ADGRB3: variants seen among roughly 807,000 people sequenced by gnomAD.
The protein encoded by ADGRB3 is adhesion G protein-coupled receptor B3, also known as brain-specific angiogenesis inhibitor 3.
In ADGRB3, 37 loss-of-function variants were observed where a neutral mutation model predicts 193.4. The ratio of observed to expected loss-of-function variants is 0.19; its 90% CI spans 0.15 to 0.25. The LOEUF is 0.25. Among genes scored for constraint, ADGRB3 ranks in the 10% least tolerant of loss-of-function variants. The pLI, the probability that ADGRB3 is intolerant of heterozygous loss-of-function variation, is 1.00. For synonymous variants in ADGRB3, 690 were observed against 644.2 expected (o/e 1.07, Z -1.08); for missense variants, 1,637 against 1,852.9 (o/e 0.88, Z 2.14).
At chr6:69,140,641 A>G (rs1403478423) in intron 17 of ADGRB3, among the ~76,000 whole-genome samples, 1 of 152,228 alleles carries the variant, frequency 6.6e-6, no homozygotes, top group East Asian at 1.9e-4. Flanking sequence ...TTAAAAAATA[A>G]CTAAAAATAT....
chr6:69,139,912 A>C lies in ADGRB3; in HGVS notation c.2480+63874A>C, dbSNP rs1445388068. ...ATTTAGAAGTCACCTTATCTAAAGC[A>C]ATTATTTTAATAAGACCTATAGAAA... On this transcript the variant is annotated intron_variant, in intron 17 of 31. Transcript: ENST00000370598. 2.2e-4 allele frequency among the ~76,000 whole-genome samples: 34 copies of C among 152,332 alleles called. 1 individual carries two copies. Among genetic ancestry groups the C allele is most frequent in the Admixed American group, 2.2e-3 (34 of 15,304 alleles).
At chr6:69,345,781 AG>A (rs1292705547) in intron 26 of ADGRB3, among the ~76,000 whole-genome samples, 5 of 152,188 alleles carry the variant, frequency 3.3e-5, no homozygotes, top group Non-Finnish European at 7.3e-5. Context: ...AAAGAAATAA[AG>A]GGTATTCAAA....
intron 13 of ADGRB3, among the ~76,000 whole-genome samples, chr6:69,039,381 T>G (rs188785152): frequency 2.1e-4 from 32 of 152,102 alleles, no homozygotes; most frequent in African/African-American, 7.5e-4. Context: ...GTTTTGGAGA[T>G]CCACTGAAGA....
chr6:69,038,268 T>C (rs1414824247), intron 13 of ADGRB3, among the ~76,000 whole-genome samples: 1 of 152,146 alleles, frequency 6.6e-6, no homozygotes, highest in East Asian at 1.9e-4. Flanking sequence ...AGATTCCTGA[T>C]TTATTTCTCT....
intron 20 of ADGRB3, among the ~76,000 whole-genome samples, chr6:69,258,522 A>G (rs1019321549): frequency 6.6e-6 from 1 of 152,276 alleles, no homozygotes; most frequent in Non-Finnish European, 1.5e-5. Flanking sequence ...AATTCGTTGC[A>G]GAAATAAATT....
At chr6:69,262,678 A>G (rs1405431929) in intron 20 of ADGRB3, among the ~76,000 whole-genome samples, 1 of 151,974 alleles carries the variant, frequency 6.6e-6, no homozygotes, top group Non-Finnish European at 1.5e-5. Flanking sequence ...AGATATTTTG[A>G]AAGAGAGAGA....
At chr6:68,843,911 G>A (rs1237818071) in intron 3 of ADGRB3, among the ~76,000 whole-genome samples, 1 of 151,948 alleles carries the variant, frequency 6.6e-6, no homozygotes, top group African/African-American at 2.4e-5. Flanking sequence ...TGCCAAGAAT[G>A]TACATTGGGG....
At chr6:69,111,497 A>G (rs1773365105) in intron 17 of ADGRB3, among the ~76,000 whole-genome samples, 1 of 152,224 alleles carries the variant, frequency 6.6e-6, no homozygotes, top group Non-Finnish European at 1.5e-5. Context: ...AAGCATTTAG[A>G]TAAAACTGTC....
At chr6:68,679,991 A>G (rs897642041) in intron 3 of ADGRB3, among the ~76,000 whole-genome samples, 1 of 152,186 alleles carries the variant, frequency 6.6e-6, no homozygotes, top group African/African-American at 2.4e-5. Flanking sequence ...AGGTGATGAC[A>G]GTGGGATTAG....
chr6:68,994,975 C>A (rs918044243), intron 11 of ADGRB3, among the ~76,000 whole-genome samples: 6 of 151,846 alleles, frequency 4.0e-5, no homozygotes, highest in African/African-American at 1.5e-4. Flanking sequence ...ATACTGACAC[C>A]CTAATTTGTA....
chr6:68,657,071 A>G (rs1768507128), intron 3 of ADGRB3, among the ~76,000 whole-genome samples: 1 of 151,610 alleles, frequency 6.6e-6, no homozygotes, highest in East Asian at 1.9e-4. Context: ...CTGTAGATGA[A>G]GATCAGAAAT....
intron 17 of ADGRB3, among the ~76,000 whole-genome samples, chr6:69,173,514 T>C (rs1775343586): frequency 6.6e-6 from 1 of 152,196 alleles, no homozygotes; most frequent in Non-Finnish European, 1.5e-5. Context: ...TTTGCAGTAG[T>C]CTAAATGAGA....
At chr6:69,183,448 G>T (rs971684675) in intron 17 of ADGRB3, among the ~76,000 whole-genome samples, 1 of 151,038 alleles carries the variant, frequency 6.6e-6, no homozygotes, top group Non-Finnish European at 1.5e-5. Context: ...CAGGTTTTTA[G>T]GAGAACTTCA....
chr6:68,962,433 T>C (rs1768262396), intron 8 of ADGRB3, among the ~76,000 whole-genome samples: 1 of 152,196 alleles, frequency 6.6e-6, no homozygotes, highest in Non-Finnish European at 1.5e-5. Flanking sequence ...GCTATGGAGA[T>C]AATTATTGTC....
intron 29 of ADGRB3, among the ~76,000 whole-genome samples, chr6:69,362,279 G>C (rs542480201): frequency 6.6e-6 from 1 of 151,964 alleles, no homozygotes; most frequent in South Asian, 2.1e-4. Flanking sequence ...ATTCATATAC[G>C]ATGCAATACA....
intron 3 of ADGRB3, among the ~76,000 whole-genome samples, chr6:68,739,790 A>G (rs1433151436): frequency 6.6e-6 from 1 of 152,242 alleles, no homozygotes; most frequent in Non-Finnish European, 1.5e-5. Context: ...TAGGTTAATT[A>G]TGAACACACA....
At chr6:68,953,649 G>A (rs542805633) in intron 6 of ADGRB3, among the ~76,000 whole-genome samples, 1 of 152,084 alleles carries the variant, frequency 6.6e-6, no homozygotes, top group Non-Finnish European at 1.5e-5. Context: ...ATTGTATCAG[G>A]CACTTGTAAT....
chr6:69,345,428 G>A (rs2127323175), intron 26 of ADGRB3, among the ~76,000 whole-genome samples: 1 of 152,190 alleles, frequency 6.6e-6, no homozygotes. Context: ...TCATCCCTGG[G>A]ATGCAAGTCT....
chr6:68,777,890 A>AC (rs1300331134), intron 3 of ADGRB3, among the ~76,000 whole-genome samples: 1 of 152,020 alleles, frequency 6.6e-6, no homozygotes, highest in Admixed American at 6.6e-5. Context: ...GATGTTTGAA[A>AC]CATGCTGGAA....
Sources: gnomAD v4.1 joint callset for allele counts (sites outside exome capture counted in the v4.1 genomes callset) on GRCh38, gnomAD v4.1.1 for gene constraint, MANE v1.5 for transcripts, NCBI Gene and HGNC (gene_info 2026-07-23, HGNC 2026-07-21) for gene names.